UHRF2: variants seen among roughly 807,000 people sequenced by gnomAD.
The protein encoded by UHRF2 is ubiquitin like with PHD and ring finger domains 2.
Under a neutral mutation model 96.8 loss-of-function variants are expected in UHRF2, and 23 were observed. That is an observed-to-expected ratio of 0.24 (90% CI 0.17 to 0.34). UHRF2 has a LOEUF of 0.34. UHRF2 is among the 10% of genes least tolerant of loss of function. UHRF2 has a pLI of 1.00. For missense variants in UHRF2, 685 were observed against 981.5 expected (o/e 0.70, Z 4.04); for synonymous variants, 385 against 332.6 (o/e 1.16, Z -1.72).
chr9:6,492,311 G>A (rs1431700932), intron 9 of UHRF2: 1 of 1,252,940 alleles, frequency 8.0e-7, no homozygotes, highest in Admixed American at 2.3e-5. Context: ...AGTTGACAGA[G>A]TTATGAATAT....
chr9:6,414,661 T>G (rs768620448), intron 1 of UHRF2, among the ~76,000 whole-genome samples: 4 of 152,238 alleles, frequency 2.6e-5, no homozygotes, highest in African/African-American at 7.2e-5. Context: ...CCTGTGGTTT[T>G]AAATAAGTGT....
Position 6,482,100 on chromosome 9 carries a change from G to A in UHRF2, c.1392+1G>A, listed in dbSNP as rs61760197. 1 of 1,613,318 alleles carries A rather than the reference G, an allele frequency of 6.2e-7. No individual in the cohort carries two copies. Among genetic ancestry groups the A allele is most frequent in the Non-Finnish European group, 8.5e-7 (1 of 1,179,374 alleles). ...ATCAACTTGGAGATTTAGAGTTCAG[G>A]TATGTTTTAACTTGGGCTTAGTTGA... On this transcript the variant is annotated splice_donor_variant, in intron 8 of 15. Transcript: ENST00000276893. LOFTEE classifies it high-confidence loss of function.
chr9:6,468,809 G>A (rs1823038148), intron 4 of UHRF2: 3 of 402,932 alleles, frequency 7.4e-6, no homozygotes, highest in Middle Eastern at 3.6e-4. Context: ...TTTGAAAAGT[G>A]GATGGCTAAG....
chr9:6,470,059 A>T (rs775407179), intron 4 of UHRF2, among the ~76,000 whole-genome samples: 9 of 152,184 alleles, frequency 5.9e-5, no homozygotes, highest in Non-Finnish European at 1.2e-4. Flanking sequence ...GTGGAATGGC[A>T]TGTGAAAATA....
At chr9:6,498,560 C>T (rs1825100382) in intron 12 of UHRF2, 1 of 156,004 alleles carries the variant, frequency 6.4e-6, no homozygotes, top group Non-Finnish European at 1.4e-5. Flanking sequence ...AGTGGTCTGC[C>T]TTCTCCCTTT....
chr9:6,453,618 G>A (rs1477781723), intron 3 of UHRF2, among the ~76,000 whole-genome samples: 1 of 152,200 alleles, frequency 6.6e-6, no homozygotes, highest in Admixed American at 6.5e-5. Flanking sequence ...AATACCAGAT[G>A]TTGGGCTACA....
intron 5 of UHRF2, among the ~76,000 whole-genome samples, chr9:6,476,216 AT>A (rs1445396889): frequency 6.6e-6 from 1 of 152,088 alleles, no homozygotes; most frequent in Admixed American, 6.5e-5. Flanking sequence ...GGATTCTATT[AT>A]TTTTTATGGC....
At chr9:6,496,743 G>A (rs1451897475) in intron 10 of UHRF2, 1 of 153,054 alleles carries the variant, frequency 6.5e-6, no homozygotes, top group Non-Finnish European at 1.5e-5. Context: ...ACCTGGGAAG[G>A]TCATTTGTAC....
At chr9:6,432,198 A>G (rs1820593104) in intron 2 of UHRF2, among the ~76,000 whole-genome samples, 1 of 152,124 alleles carries the variant, frequency 6.6e-6, no homozygotes, top group Non-Finnish European at 1.5e-5. Context: ...TTTTTCCTAA[A>G]CTGTTCATTC....
chr9:6,477,387 G>A (rs1249808503), intron 5 of UHRF2, among the ~76,000 whole-genome samples: 1 of 151,988 alleles, frequency 6.6e-6, no homozygotes, highest in Non-Finnish European at 1.5e-5. Context: ...TTAGCCAGGC[G>A]TGGTGGCACA....
chr9:6,449,152 A>C (rs1240469487), intron 3 of UHRF2, among the ~76,000 whole-genome samples: 1 of 152,088 alleles, frequency 6.6e-6, no homozygotes. Context: ...CTTAAGAAAG[A>C]CCTTTACTGA....
intron 3 of UHRF2, among the ~76,000 whole-genome samples, chr9:6,443,326 C>T (rs1292529110): frequency 6.6e-6 from 1 of 152,140 alleles, no homozygotes; most frequent in Non-Finnish European, 1.5e-5. Flanking sequence ...ATGTAATCTT[C>T]ATAGAAACTC....
At chr9:6,482,303 C>G (rs1257904853) in intron 8 of UHRF2, among the ~76,000 whole-genome samples, 1 of 152,128 alleles carries the variant, frequency 6.6e-6, no homozygotes, top group African/African-American at 2.4e-5. Flanking sequence ...GCATTTTCAT[C>G]ACTTTGTTTT....
intron 2 of UHRF2, among the ~76,000 whole-genome samples, chr9:6,430,416 C>A (rs1253139456): frequency 6.6e-6 from 1 of 152,090 alleles, no homozygotes; most frequent in Non-Finnish European, 1.5e-5. Flanking sequence ...CCTCTCCTCC[C>A]CATATTAATC....
intron 8 of UHRF2, 120 bp from the exon 9 acceptor site, chr9:6,486,701 T>C: frequency 1.1e-6 from 1 of 870,434 alleles, no homozygotes; most frequent in South Asian, 1.9e-5. Context: ...GAGCAAAAGA[T>C]AGAACTCTGT....
intron 1 of UHRF2, among the ~76,000 whole-genome samples, chr9:6,414,650 T>G (rs1819487275): frequency 6.6e-6 from 1 of 152,222 alleles, no homozygotes; most frequent in Non-Finnish European, 1.5e-5. Flanking sequence ...TTGGCTCCAA[T>G]CCTGTGGTTT....
intron 8 of UHRF2, among the ~76,000 whole-genome samples, chr9:6,485,718 C>T (rs868121019): frequency 3.6e-5 from 5 of 139,590 alleles, no homozygotes; most frequent in Middle Eastern, 3.9e-3. Context: ...AATCCCAACA[C>T]TATTGGGGGC....
intron 2 of UHRF2, among the ~76,000 whole-genome samples, chr9:6,430,478 A>C (rs1820504496): frequency 6.6e-6 from 1 of 152,156 alleles, no homozygotes; most frequent in Non-Finnish European, 1.5e-5. Context: ...TGGGGGCCTT[A>C]CTGGCTGAGG....
At chr9:6,474,634 A>AGG (rs1215803496) in intron 4 of UHRF2, among the ~76,000 whole-genome samples, 2 of 152,236 alleles carry the variant, frequency 1.3e-5, no homozygotes, top group Non-Finnish European at 2.9e-5. Flanking sequence ...TGAATACAGG[A>AGG]GGTGGAGACT....
Sources: gnomAD v4.1 joint callset for allele counts (sites outside exome capture counted in the v4.1 genomes callset) on GRCh38, gnomAD v4.1.1 for gene constraint, MANE v1.5 for transcripts, NCBI Gene and HGNC (gene_info 2026-07-23, HGNC 2026-07-21) for gene names.